Variants in TXK observed in about 807,000 individuals in gnomAD.
TXK encodes TXK tyrosine kinase.
In TXK, 60 loss-of-function variants were observed where a neutral mutation model predicts 81.0. That is an observed-to-expected ratio of 0.74 (90% CI 0.60 to 0.92). The LOEUF (loss-of-function observed/expected upper bound fraction) is 0.92, where lower values mean the gene tolerates loss of function less well. Among genes scored for constraint, TXK ranks in the 40% least tolerant of loss-of-function variants. TXK has a pLI of 0.00. For missense variants in TXK, 581 were observed against 638.3 expected, an observed-to-expected ratio of 0.91 and a Z score of 0.97; for synonymous variants, 203 against 210.7, an observed-to-expected ratio of 0.96 and a Z score of 0.32.
rs139001844 is a variant in TXK at position 48,094,511 on chromosome 4, T to C, written c.582-307A>G. ...GAATATCAAGTATTGGTTAAATGAA[T>C]GAACACATGCACTGTAAGCAATTGG... On this transcript the variant is annotated intron_variant, in intron 7 of 14. Coordinates refer to ENST00000264316, the MANE Select transcript of TXK (RefSeq NM_003328.3). Among the ~76,000 whole-genome samples the C allele has an allele frequency of 1.8e-3, 280 of 152,268 alleles. 1 individual carries two copies. The highest frequency in any genetic ancestry group is 6.5e-3 in the African/African-American group (269 of 41,526).
chr4:48,125,891 C>G (rs920736339), intron 1 of TXK, among the ~76,000 whole-genome samples: 2 of 152,208 alleles, frequency 1.3e-5, no homozygotes. Flanking sequence ...CAGGGGAGGT[C>G]TGACTTTCAT....
chr4:48,071,400 C>T (rs1397381498), intron 14 of TXK, 117 bp downstream of exon 14: 12 of 1,026,716 alleles, frequency 1.2e-5, no homozygotes, highest in Non-Finnish European at 1.7e-5. Context: ...GGATCATGAC[C>T]AAGACACAGA....
intron 3 of TXK, 51 bp downstream of exon 3, chr4:48,113,156 T>C: frequency 6.9e-7 from 1 of 1,444,544 alleles, no homozygotes. Flanking sequence ...ATGAAGACTC[T>C]AAAAAGACAA....
intron 6 of TXK, among the ~76,000 whole-genome samples, chr4:48,104,245 TATATTTTA>T: frequency 2.3e-5 from 1 of 43,388 alleles, no homozygotes; most frequent in African/African-American, 8.1e-5. Flanking sequence ...ATATATAATA[TATATTTTA>T]TATATATAAT....
intron 4 of TXK, among the ~76,000 whole-genome samples, chr4:48,111,107 T>A (rs1210887327): frequency 6.6e-6 from 1 of 152,196 alleles, no homozygotes; most frequent in Non-Finnish European, 1.5e-5. Flanking sequence ...GATATGTACA[T>A]CTTTCAGGAT....
chr4:48,116,681 A>G (rs367702336), intron 1 of TXK, among the ~76,000 whole-genome samples: 41 of 152,288 alleles, frequency 2.7e-4, no homozygotes, highest in African/African-American at 9.6e-4. Context: ...ACAGCAAGAA[A>G]ATCAGGAGGA....
intron 12 of TXK, among the ~76,000 whole-genome samples, chr4:48,075,123 A>T (rs1044151617): frequency 6.6e-6 from 1 of 152,074 alleles, no homozygotes; most frequent in South Asian, 2.1e-4. Flanking sequence ...GGTACTAGAC[A>T]TTAGTAGATC....
chr4:48,098,311 C>T (rs561363724), intron 6 of TXK, among the ~76,000 whole-genome samples: 2 of 152,164 alleles, frequency 1.3e-5, no homozygotes, highest in South Asian at 4.1e-4. Context: ...ATGGCACAAA[C>T]GAATGATATA....
At chr4:48,081,875 TATA>T (rs1252490112) in intron 10 of TXK, among the ~76,000 whole-genome samples, 1 of 152,322 alleles carries the variant, frequency 6.6e-6, no homozygotes, top group African/African-American at 2.4e-5. Context: ...CTTCGCCTGA[TATA>T]ATAATGTACA....
At chr4:48,068,010 G>A (rs574648060) in intron 14 of TXK, among the ~76,000 whole-genome samples, 1 of 152,324 alleles carries the variant, frequency 6.6e-6, no homozygotes, top group South Asian at 2.1e-4. Flanking sequence ...TGGCAGTTGA[G>A]TGAGGCGTGA....
At position 48,104,229 on chromosome 4, in the gene TXK, TATATTATATATA is replaced by T. The variant is rs1560354430; in HGVS notation, c.501+660_501+671del. Among the ~76,000 whole-genome samples the T allele has an allele frequency of 9.7e-3, 118 of 12,134 alleles. 8 individuals are homozygous for T. The highest frequency in any genetic ancestry group is 0.053 in the African/African-American group (106 of 2,008). The allele number at this position is 12,134 out of a possible 152,430, so 8.0% of individuals were successfully genotyped here. ...AAATATATATATATATATTATATATTATATTATATATAATATATATTTTATATATATAATATA... is the reference window on the plus strand; with the variant it reads ...AAATATATATATATATATTATATATTATATATATTTTATATATATAATATA... On this transcript the variant is annotated intron_variant, in intron 6 of 14. Transcript: ENST00000264316.
intron 1 of TXK, among the ~76,000 whole-genome samples, chr4:48,133,104 T>C (rs1256031274): frequency 6.6e-6 from 1 of 152,224 alleles, no homozygotes; most frequent in Non-Finnish European, 1.5e-5. Context: ...ATAATGAATA[T>C]AAAGGAACTG....
At chr4:48,123,575 C>T (rs1272820600) in intron 1 of TXK, among the ~76,000 whole-genome samples, 3 of 152,194 alleles carry the variant, frequency 2.0e-5, no homozygotes, top group Non-Finnish European at 4.4e-5. Context: ...CTCATCAACT[C>T]GTACCTGTAA....
At chr4:48,117,178 G>A (rs4694884) in intron 1 of TXK, among the ~76,000 whole-genome samples, 53,007 of 151,990 alleles carry the variant, frequency 0.35, 9,671 homozygotes, top group East Asian at 0.65. Flanking sequence ...ATGAGTCACC[G>A]CGCTCGGCCC....
At chr4:48,095,471 T>G (rs1717947641) in intron 6 of TXK, among the ~76,000 whole-genome samples, 1 of 152,226 alleles carries the variant, frequency 6.6e-6, no homozygotes, top group Non-Finnish European at 1.5e-5. Context: ...ATACTGTTAC[T>G]GATTTTTCTA....
chr4:48,092,119 G>A (rs1337970043), intron 8 of TXK, among the ~76,000 whole-genome samples: 1 of 152,220 alleles, frequency 6.6e-6, no homozygotes, highest in African/African-American at 2.4e-5. Context: ...GACATTTGGA[G>A]GGAGAGTAAT....
intron 10 of TXK, among the ~76,000 whole-genome samples, chr4:48,082,554 C>T (rs1043808396): frequency 6.6e-6 from 1 of 152,072 alleles, no homozygotes; most frequent in African/African-American, 2.4e-5. Context: ...GACTTGGAAG[C>T]CCCCACTGAT....
intron 1 of TXK, among the ~76,000 whole-genome samples, chr4:48,125,511 T>A (rs1271709424): frequency 6.6e-6 from 1 of 152,228 alleles, no homozygotes; most frequent in Non-Finnish European, 1.5e-5. Flanking sequence ...CAAAGGCAGA[T>A]GTTTCCCCCG....
At chr4:48,081,986 A>G (rs1717319937) in intron 10 of TXK, among the ~76,000 whole-genome samples, 1 of 152,224 alleles carries the variant, frequency 6.6e-6, no homozygotes, top group Non-Finnish European at 1.5e-5. Flanking sequence ...TCAAAAATGT[A>G]TCCTGAAACA....
Sources: allele counts gnomAD v4.1 joint callset (sites outside exome capture counted in the v4.1 genomes callset), GRCh38; gene constraint gnomAD v4.1.1; transcripts MANE v1.5; gene names NCBI Gene and HGNC (gene_info 2026-07-23, HGNC 2026-07-21).